Variants in CAMKMT observed in about 807,000 individuals in gnomAD.
CAMKMT encodes CaM KMT.
Under a neutral mutation model 48.0 loss-of-function variants are expected in CAMKMT, and 53 were observed. That is an observed-to-expected ratio of 1.10 (90% CI 0.89 to 1.39). CAMKMT has a LOEUF of 1.39. Among genes scored for constraint, CAMKMT ranks in the 40% most tolerant of loss-of-function variants. The pLI is 0.00. For synonymous variants in CAMKMT, 165 were observed against 152.3 expected (o/e 1.08, Z -0.61); for missense variants, 428 against 402.7 (o/e 1.06, Z -0.54).
chr2:44,683,970 C>T (rs1205757362), intron 3 of CAMKMT, among the ~76,000 whole-genome samples: 1 of 152,000 alleles, frequency 6.6e-6, no homozygotes, highest in Non-Finnish European at 1.5e-5. Context: ...TGTAGACTTC[C>T]ACCATAGTAT....
At chr2:44,659,075 GTTTTTTTTT>G (rs1192483405) in intron 3 of CAMKMT, among the ~76,000 whole-genome samples, 1 of 86,348 alleles carries the variant, frequency 1.2e-5, no homozygotes, top group African/African-American at 4.7e-5. Context: ...TGTGTGTGTA[GTTTTTTTTT>G]TTTTTTTTTT....
chr2:44,552,890 A>C (rs1456644201), intron 3 of CAMKMT, among the ~76,000 whole-genome samples: 5 of 152,190 alleles, frequency 3.3e-5, no homozygotes, highest in Non-Finnish European at 7.3e-5. Flanking sequence ...TTCCCCTGAT[A>C]ATCTTTGGAC....
chr2:44,695,437 A>G (rs1001637556), intron 3 of CAMKMT, among the ~76,000 whole-genome samples: 2 of 152,182 alleles, frequency 1.3e-5, no homozygotes, highest in African/African-American at 4.8e-5. Context: ...TTCTTCCAGA[A>G]TGAGTGAATG....
chr2:44,416,775 A>G (rs1343518512), intron 3 of CAMKMT, among the ~76,000 whole-genome samples: 3 of 151,422 alleles, frequency 2.0e-5, no homozygotes, highest in East Asian at 3.9e-4. Flanking sequence ...GGGTTTCACT[A>G]TGTTGGCCAG....
At chr2:44,395,124 G>T (rs1309118930) in intron 3 of CAMKMT, 2 of 359,220 alleles carry the variant, frequency 5.6e-6, no homozygotes, top group Admixed American at 7.2e-5. Flanking sequence ...TAAATTTTTA[G>T]TTTTTCTGTT....
chr2:44,621,208 A>G (rs1672168651), intron 3 of CAMKMT, among the ~76,000 whole-genome samples: 1 of 143,694 alleles, frequency 7.0e-6, no homozygotes, highest in Non-Finnish European at 1.5e-5. Context: ...CGGAGCTTGC[A>G]GTGAGACGAG....
intron 3 of CAMKMT, among the ~76,000 whole-genome samples, chr2:44,475,906 A>G (rs912529438): frequency 6.6e-6 from 1 of 152,176 alleles, no homozygotes; most frequent in Admixed American, 6.5e-5. Flanking sequence ...CTGCTCACCT[A>G]CTTATGTCCC....
chr2:44,593,531 C>T (rs933615861), intron 3 of CAMKMT, among the ~76,000 whole-genome samples: 4 of 152,174 alleles, frequency 2.6e-5, no homozygotes, highest in African/African-American at 4.8e-5. Flanking sequence ...TGCCACAGCC[C>T]GGAATCTCTC....
At chr2:44,480,729 C>G (rs1291773742) in intron 3 of CAMKMT, among the ~76,000 whole-genome samples, 2 of 152,070 alleles carry the variant, frequency 1.3e-5, no homozygotes, top group African/African-American at 4.8e-5. Flanking sequence ...ATAGGTTAAA[C>G]TGTTACTCTT....
In CAMKMT at chr2:44,724,140, G is replaced by A. The variant is rs183016123; in HGVS notation, c.623+8787G>A. 1.7e-4 allele frequency among the ~76,000 whole-genome samples: 26 copies of A among 152,190 alleles called. 2 individuals carry two copies. The South Asian group carries it at 4.4e-3, about 26-fold the overall frequency. The stretch of plus-strand genomic sequence containing the variant: ...GAATGTTCTAGCCAGGTGCAGTGGC[G>A]TGTGCCTGTAGTCCCAGATACTAGG... On this transcript the variant is annotated intron_variant, in intron 7 of 10. Transcript: ENST00000378494.
At chr2:44,689,494 G>A (rs1329997739) in intron 3 of CAMKMT, among the ~76,000 whole-genome samples, 1 of 151,988 alleles carries the variant, frequency 6.6e-6, no homozygotes, top group African/African-American at 2.4e-5. Flanking sequence ...ATCCCACCCT[G>A]AGGACACTCA....
At chr2:44,716,589 C>T (rs769867569) in intron 7 of CAMKMT, among the ~76,000 whole-genome samples, 11 of 152,274 alleles carry the variant, frequency 7.2e-5, no homozygotes, top group Middle Eastern at 6.8e-3. Flanking sequence ...CAAACCACTT[C>T]TGTTTCCCAG....
At chr2:44,376,315 G>A (rs1323470625) in intron 2 of CAMKMT, among the ~76,000 whole-genome samples, 2 of 151,846 alleles carry the variant, frequency 1.3e-5, no homozygotes, top group South Asian at 2.1e-4. Context: ...CCAGTTACTC[G>A]GTGGCTAACA....
intron 3 of CAMKMT, chr2:44,456,741 A>C: frequency 2.6e-6 from 2 of 774,842 alleles, no homozygotes; most frequent in Non-Finnish European, 3.8e-6. Context: ...AGAAATCCTC[A>C]TGCTAAATGT....
chr2:44,605,902 A>G (rs921022405), intron 3 of CAMKMT, among the ~76,000 whole-genome samples: 3 of 152,170 alleles, frequency 2.0e-5, no homozygotes, highest in African/African-American at 7.2e-5. Context: ...ATATTTTAAA[A>G]GCTCCAAATT....
rs931498451 is a variant in CAMKMT, at chr2:44,657,288, G to A, written c.377-46995G>A. On this transcript the variant is annotated intron_variant, in intron 3 of 10. Transcript: ENST00000378494. This position sits in a 1 kb window ranked among gnomAD's most constrained non-coding sequence, Gnocchi z 4.3. ...AAAGAACTAAAGAAATGCCAGAAGA[G>A]TGTTGCACAAGTTAATTGATTTTCA... Among the ~76,000 whole-genome samples, 1 of 152,192 alleles carries A rather than the reference G, an allele frequency of 6.6e-6. No homozygotes were observed. Among genetic ancestry groups the A allele is most frequent in the African/African-American group, 2.4e-5 (1 of 41,440 alleles).
chr2:44,371,748 A>G (rs186544278), intron 1 of CAMKMT, among the ~76,000 whole-genome samples: 148 of 152,188 alleles, frequency 9.7e-4, no homozygotes, highest in Non-Finnish European at 1.4e-3. Context: ...TAAATATTTC[A>G]TTATGAACTT....
At chr2:44,635,293 A>G (rs1020979658) in intron 3 of CAMKMT, among the ~76,000 whole-genome samples, 1 of 152,120 alleles carries the variant, frequency 6.6e-6, no homozygotes, top group African/African-American at 2.4e-5. Context: ...CTTAATTGGT[A>G]CCCTAAGGGG....
rs1670864227 is a variant in CAMKMT at position 44,599,575 on chromosome 2, T to C, written c.377-104708T>C. On this transcript the variant is annotated intron_variant, in intron 3 of 10. Coordinates refer to ENST00000378494, the MANE Select transcript of CAMKMT (RefSeq NM_024766.5). ...GAAAAGTAATTTGTCAGAAGCATTT[T>C]TTTAAATTTAAAGATCAATCTATGT... Among the ~76,000 whole-genome samples the C allele has an allele frequency of 2.6e-5, 4 of 152,252 alleles. No homozygotes were observed. The South Asian group carries it at 8.3e-4, about 32-fold the overall frequency.
Sources: allele counts gnomAD v4.1 joint callset (sites outside exome capture counted in the v4.1 genomes callset), GRCh38; gene constraint gnomAD v4.1.1; non-coding constraint Gnocchi (gnomAD v3.1); transcripts MANE v1.5; gene names NCBI Gene and HGNC (gene_info 2026-07-23, HGNC 2026-07-21).